TMEM232: variants seen among roughly 807,000 people sequenced by gnomAD.
TMEM232 encodes the protein transmembrane protein 232.
TMEM232 carries 80 observed loss-of-function variants against 78.8 expected under a neutral mutation model. The observed-to-expected ratio is 1.01, with a 90% CI of 0.85 to 1.22. TMEM232 has a LOEUF of 1.22. Among genes scored for constraint, TMEM232 ranks in the 50% most tolerant of loss-of-function variants. TMEM232 has a pLI of 0.00. For synonymous variants in TMEM232, 297 were observed against 254.3 expected, an observed-to-expected ratio of 1.17 and a Z score of -1.60; for missense variants, 881 against 742.2, an observed-to-expected ratio of 1.19 and a Z score of -2.17.
At chr5:110,627,539 C>T (rs761676620) in intron 6 of TMEM232, among the ~76,000 whole-genome samples, 2 of 150,860 alleles carry the variant, frequency 1.3e-5, no homozygotes, top group Admixed American at 6.6e-5. Flanking sequence ...TCAAAATTGC[C>T]GGAAAAAAAA....
chr5:110,584,528 A>G (rs995358425), intron 10 of TMEM232, among the ~76,000 whole-genome samples: 4 of 152,098 alleles, frequency 2.6e-5, no homozygotes, highest in African/African-American at 9.7e-5. Context: ...ATCAATGGGT[A>G]TAACATTTCA....
At position 110,606,208 on chromosome 5, in the gene TMEM232, C is replaced by G; in HGVS notation, c.982G>C (p.Val328Leu). Residue 328 changes from valine to leucine, a missense_variant, in exon 9 of 14, where the codon GTA (valine) becomes CTA (leucine). Coordinates refer to ENST00000455884, the MANE Select transcript of TMEM232 (RefSeq NM_001039763.4). The part of the protein sequence containing the change: ...NMACLKALMD[V>L]VRDFVSSIMS... ...ATGCTTGAAACAAAATCTCTCACTA[C>G]GTCCATTAAAGCTTTCAAGCAGGCC... 1 of 1,548,510 alleles carries G rather than the reference C, an allele frequency of 6.5e-7. No individual in the cohort carries two copies. The highest frequency in any genetic ancestry group is 8.7e-7 in the Non-Finnish European group (1 of 1,144,866).
chr5:110,586,011 G>A (rs1022214230), intron 10 of TMEM232, among the ~76,000 whole-genome samples: 1 of 152,116 alleles, frequency 6.6e-6, no homozygotes, highest in Admixed American at 6.6e-5. Flanking sequence ...TGACTTATAG[G>A]TCAACTTGTG....
intron 12 of TMEM232, among the ~76,000 whole-genome samples, chr5:110,511,576 T>G (rs1767759788): frequency 6.6e-6 from 1 of 152,162 alleles, no homozygotes; most frequent in African/African-American, 2.4e-5. Flanking sequence ...ATAAACTTTT[T>G]GTGCTTACAG....
intron 12 of TMEM232, among the ~76,000 whole-genome samples, chr5:110,523,701 C>G (rs180796360): frequency 3.9e-5 from 6 of 151,994 alleles, no homozygotes; most frequent in African/African-American, 1.4e-4. Context: ...GCTTATAATC[C>G]CAGCAGTTTG....
At chr5:110,703,221 C>T (rs1385364243) in intron 1 of TMEM232, among the ~76,000 whole-genome samples, 1 of 152,122 alleles carries the variant, frequency 6.6e-6, no homozygotes, top group South Asian at 2.1e-4. Context: ...GAGAAAAAGG[C>T]AGATATAGCT....
At chr5:110,520,048 T>TAGAGAG (rs200426316) in intron 12 of TMEM232, among the ~76,000 whole-genome samples, 349 of 136,924 alleles carry the variant, frequency 2.5e-3, no homozygotes, top group Admixed American at 4.9e-3. Flanking sequence ...TATATATATA[T>TAGAGAG]ATAGAGAGAG....
Position 110,633,639 on chromosome 5 carries a change from C to T in TMEM232, c.501+4559G>A, listed in dbSNP as rs114327941. 5.5e-3 allele frequency among the ~76,000 whole-genome samples: 844 copies of T among 152,200 alleles called. 8 individuals are homozygous for T. The highest frequency in any genetic ancestry group is 0.019 in the African/African-American group (798 of 41,538). On this transcript the variant is annotated intron_variant, in intron 5 of 13. Coordinates refer to ENST00000455884, the MANE Select transcript of TMEM232 (RefSeq NM_001039763.4). ...CCCTTTGCTCTCTCTTTCCTGCTGC[C>T]TTGTAAAGAAGGCCCTTGCTTCTTC...
chr5:110,712,442 AATAG>A (rs1796589588), intron 1 of TMEM232, among the ~76,000 whole-genome samples: 1 of 152,178 alleles, frequency 6.6e-6, no homozygotes, highest in African/African-American at 2.4e-5. Flanking sequence ...AAAATATCTG[AATAG>A]ATATTTTTCA....
intron 2 of TMEM232, among the ~76,000 whole-genome samples, chr5:110,655,698 C>T (rs1788940691): frequency 6.6e-6 from 1 of 151,292 alleles, no homozygotes; most frequent in South Asian, 2.1e-4. Flanking sequence ...AAATGTGGCA[C>T]ATATACACCA....
chr5:110,651,764 G>T (rs1249624589), intron 2 of TMEM232, among the ~76,000 whole-genome samples: 1 of 152,048 alleles, frequency 6.6e-6, no homozygotes, highest in East Asian at 1.9e-4. Context: ...ACTTGGTTAT[G>T]GGGTGGGGCA....
At chr5:110,644,274 G>A (rs751527751) in intron 2 of TMEM232, among the ~76,000 whole-genome samples, 13 of 151,802 alleles carry the variant, frequency 8.6e-5, no homozygotes, top group African/African-American at 1.2e-4. Flanking sequence ...GTGAACCTAC[G>A]CTACATAAAG....
chr5:110,412,020 A>G (rs1756015878), intron 2 of TMEM232, among the ~76,000 whole-genome samples: 1 of 152,218 alleles, frequency 6.6e-6, no homozygotes, highest in Admixed American at 6.5e-5. Flanking sequence ...CATTCATGTT[A>G]CATCCTGTGT....
intron 12 of TMEM232, among the ~76,000 whole-genome samples, chr5:110,453,350 G>A (rs1390414376): frequency 6.6e-6 from 1 of 151,890 alleles, no homozygotes; most frequent in African/African-American, 2.4e-5. Flanking sequence ...TCGCCAGGCT[G>A]GAGTGCAGTG....
At chr5:110,708,882 C>A (rs997780313) in intron 1 of TMEM232, among the ~76,000 whole-genome samples, 1 of 151,894 alleles carries the variant, frequency 6.6e-6, no homozygotes, top group Admixed American at 6.6e-5. Context: ...CCCTACTTTT[C>A]CACAATAACA....
intron 10 of TMEM232, among the ~76,000 whole-genome samples, chr5:110,594,344 C>T (rs1247821828): frequency 6.6e-6 from 1 of 152,112 alleles, no homozygotes; most frequent in Non-Finnish European, 1.5e-5. Context: ...GCCTATACCA[C>T]CAGGGCCCCA....
chr5:110,499,859 G>C (rs958555894), intron 12 of TMEM232, among the ~76,000 whole-genome samples: 1 of 152,064 alleles, frequency 6.6e-6, no homozygotes, highest in Non-Finnish European at 1.5e-5. Context: ...AGTCAATATA[G>C]AGAATATTTA....
intron 8 of TMEM232, among the ~76,000 whole-genome samples, chr5:110,610,253 AG>A: frequency 2.1e-5 from 3 of 141,382 alleles, no homozygotes; most frequent in Non-Finnish European, 4.6e-5. Flanking sequence ...GAAGGGAGGA[AG>A]GGAGGAAGGG....
chr5:110,669,176 T>C (rs1270526043), intron 1 of TMEM232, among the ~76,000 whole-genome samples: 3 of 151,888 alleles, frequency 2.0e-5, no homozygotes, highest in Non-Finnish European at 4.4e-5. Context: ...TTCAAAAAAA[T>C]CAATGAATCC....
Sources: allele counts gnomAD v4.1 joint callset (sites outside exome capture counted in the v4.1 genomes callset), GRCh38; gene constraint gnomAD v4.1.1; transcripts MANE v1.5; gene names NCBI Gene and HGNC (gene_info 2026-07-23, HGNC 2026-07-21).